The following ERG variants were observed in gnomAD, a reference collection of about 807,000 sequenced individuals.
The protein encoded by ERG is ETS transcription factor ERG, also known as transcriptional regulator ERG.
In ERG, 9 loss-of-function variants were observed where a neutral mutation model predicts 55.3. That is an observed-to-expected ratio of 0.16 (90% CI 0.10 to 0.28). The LOEUF (loss-of-function observed/expected upper bound fraction) is 0.28. Among genes scored for constraint, ERG ranks in the 10% least tolerant of loss-of-function variants. The probability of loss-of-function intolerance (pLI) is 1.00; values close to 1 mark genes in which losing one functional copy is unlikely to be tolerated. For missense variants in ERG, 434 were observed against 631.6 expected (o/e 0.69, Z 3.35); for synonymous variants, 223 against 237.3 (o/e 0.94, Z 0.55).
At chr21:38,473,035 T>G (rs911120893) in intron 1 of ERG, among the ~76,000 whole-genome samples, 1 of 152,106 alleles carries the variant, frequency 6.6e-6, no homozygotes, top group Non-Finnish European at 1.5e-5. Context: ...GGGCAGAACT[T>G]CCGGGACCTG....
chr21:38,374,997 T>C, the ERG span, among the ~76,000 whole-genome samples: 1 of 152,124 alleles, frequency 6.6e-6, no homozygotes, highest in Non-Finnish European at 1.5e-5. Context: ...AAATATCACC[T>C]CCTTCAATAA....
chr21:38,550,248 CAGA>C (rs1477581061), intron 2 of ERG, among the ~76,000 whole-genome samples: 3 of 152,122 alleles, frequency 2.0e-5, no homozygotes, highest in African/African-American at 7.2e-5. Flanking sequence ...CCCTCACACC[CAGA>C]AGGAGTCAAT....
intron 2 of ERG, among the ~76,000 whole-genome samples, chr21:38,565,495 C>T (rs1413108683): frequency 1.3e-5 from 2 of 152,196 alleles, no homozygotes; most frequent in East Asian, 3.9e-4. Flanking sequence ...CAACTCACAT[C>T]CTGCAGCTTT....
Position 38,460,114 on chromosome 21 carries a change from T to G in ERG, c.19-14493A>C, listed in dbSNP as rs1266410890. Among the ~76,000 whole-genome samples, 1 of 152,174 alleles carries G rather than the reference T, an allele frequency of 6.6e-6. No individual in the cohort carries two copies. The highest frequency in any genetic ancestry group is 1.5e-5 in the Non-Finnish European group (1 of 68,038). On this transcript the variant is annotated intron_variant, in intron 1 of 9. Transcript: ENST00000288319. This position sits in a 1 kb window ranked among gnomAD's most constrained non-coding sequence, Gnocchi z 5.0. ...TGAGCCCCCATGCATTCATGAAGAA[T>G]AGGCCTTCCAGCCTTGGCAACAGCT...
intron 1 of ERG, among the ~76,000 whole-genome samples, chr21:38,604,211 A>C (rs1016709401): frequency 6.6e-6 from 1 of 150,638 alleles, no homozygotes; most frequent in Admixed American, 6.6e-5. Context: ...CCGAGATCGC[A>C]CCACTGCACT....
At chr21:38,567,035 T>A (rs911760642) in intron 2 of ERG, among the ~76,000 whole-genome samples, 1 of 151,828 alleles carries the variant, frequency 6.6e-6, no homozygotes, top group Admixed American at 6.6e-5. Context: ...CCCTACTGAA[T>A]GTCAGCCTCA....
downstream of ERG, among the ~76,000 whole-genome samples, chr21:38,376,514 C>T (rs950403022): frequency 2.0e-5 from 3 of 152,220 alleles, no homozygotes; most frequent in Non-Finnish European, 4.4e-5. Context: ...TGCTGGTCTG[C>T]CCACTGCAGG....
chr21:38,529,298 G>A (rs1292383807), intron 2 of ERG, among the ~76,000 whole-genome samples: 1 of 152,104 alleles, frequency 6.6e-6, no homozygotes, highest in East Asian at 1.9e-4. Flanking sequence ...ATGAGGGAGG[G>A]GTGACTTCAG....
chr21:38,576,519 T>C (rs1373004777), intron 1 of ERG, among the ~76,000 whole-genome samples: 1 of 152,242 alleles, frequency 6.6e-6, no homozygotes, highest in African/African-American at 2.4e-5. Context: ...AATTTAAAGA[T>C]GCCTATAATC....
At chr21:38,427,773 G>A (rs1287967035) in intron 2 of ERG, among the ~76,000 whole-genome samples, 1 of 152,040 alleles carries the variant, frequency 6.6e-6, no homozygotes, top group Admixed American at 6.5e-5. Flanking sequence ...TCCTACCCTG[G>A]GACTGTTCAT....
At chr21:38,420,650 C>A (rs1045853423) in intron 3 of ERG, among the ~76,000 whole-genome samples, 1 of 152,188 alleles carries the variant, frequency 6.6e-6, no homozygotes, top group Non-Finnish European at 1.5e-5. Flanking sequence ...TTCTCTTCCC[C>A]ACACAAATAT....
chr21:38,550,387 C>T (rs1295216332), intron 2 of ERG, among the ~76,000 whole-genome samples: 1 of 152,296 alleles, frequency 6.6e-6, no homozygotes, highest in African/African-American at 2.4e-5. Flanking sequence ...CCCCAAAATT[C>T]ATGGGTTTAA....
chr21:38,408,723 C>T (rs575728240), intron 3 of ERG, among the ~76,000 whole-genome samples: 18 of 152,250 alleles, frequency 1.2e-4, no homozygotes, highest in South Asian at 6.2e-4. Context: ...GCTTCTGTCA[C>T]ACCAGGAATC....
chr21:38,660,671 T>C (rs943177184), intron 1 of ERG: 20 of 151,712 alleles, frequency 1.3e-4, no homozygotes, highest in Admixed American at 7.2e-4. Context: ...GCTCAGCCCA[T>C]GGTGTGGGCG....
intron 1 of ERG, among the ~76,000 whole-genome samples, chr21:38,492,780 G>A (rs2059347303): frequency 6.6e-6 from 1 of 151,864 alleles, no homozygotes. Flanking sequence ...GGAAATATGT[G>A]GAAAGTAAGC....
upstream of ERG, among the ~76,000 whole-genome samples, chr21:38,501,271 A>G (rs4817948): frequency 0.99 from 150,227 of 151,580 alleles, 74,475 homozygotes; most frequent in Middle Eastern, 1. Flanking sequence ...GTTTCACCAT[A>G]TTAGCCAGGA....
At chr21:38,531,750 GATGGGAAAA>G (rs1266972088) in intron 2 of ERG, among the ~76,000 whole-genome samples, 6 of 152,250 alleles carry the variant, frequency 3.9e-5, no homozygotes, top group African/African-American at 1.4e-4. Context: ...AATGAACAAA[GATGGGAAAA>G]ATGTCCGCAG....
At position 38,383,941 on chromosome 21, in the gene ERG, G is replaced by T; in HGVS notation, c.920-18C>A. ...GCCACTGCCTAATGAGGTCAGGAGA[G>T]GAAGGAAAACTCCAGTGAGCACAGG... On this transcript the variant is annotated intron_variant, in intron 9 of 9. Transcript: ENST00000288319. This position sits in a 1 kb window ranked among gnomAD's most constrained non-coding sequence, Gnocchi z 5.7. The T allele has an allele frequency of 6.3e-7, 1 of 1,599,914 alleles. No individual in the cohort carries two copies.
At position 38,562,207 on chromosome 21, in the gene ERG, T is replaced by TTATA. The variant is rs542738467; in HGVS notation, c.-41+13451_-41+13454dup. The stretch of plus-strand genomic sequence containing the variant: ...TATTATAAAACTCAGTGTGTAGATA[T>TTATA]TATATATATATACACATGCATACAT... On this transcript the variant is annotated intron_variant, in intron 2 of 8. Coordinates refer to the ERG transcript ENST00000398897. Among the ~76,000 whole-genome samples the TTATA allele has an allele frequency of 2.1e-3, 327 of 152,140 alleles. 4 individuals carry two copies. The highest frequency in any genetic ancestry group is 7.6e-3 in the African/African-American group (316 of 41,514).
Sources: gnomAD v4.1 joint callset for allele counts (sites outside exome capture counted in the v4.1 genomes callset) on GRCh38, gnomAD v4.1.1 for gene constraint, Gnocchi (gnomAD v3.1) non-coding constraint, MANE v1.5 for transcripts, NCBI Gene and HGNC (gene_info 2026-07-23, HGNC 2026-07-21) for gene names.